Variants in TRHDE observed in about 807,000 individuals in gnomAD.
TRHDE encodes thyrotropin-releasing hormone-degrading ectoenzyme.
A neutral mutation model predicts 125.7 loss-of-function variants in TRHDE; 72 were observed. The ratio of observed to expected loss-of-function variants is 0.57; its 90% CI spans 0.47 to 0.70. The LOEUF (loss-of-function observed/expected upper bound fraction) is 0.70, where lower values mean the gene tolerates loss of function less well. Among genes scored for constraint, TRHDE ranks in the 30% least tolerant of loss-of-function variants. The pLI, the probability that TRHDE is intolerant of heterozygous loss-of-function variation, is 0.00. For missense variants in TRHDE, 1,110 were observed against 1,327.1 expected (o/e 0.84, Z 2.54); for synonymous variants, 509 against 509.1 (o/e 1.00, Z 0.00).
chr12:72,481,432 T>C (rs1877167355), intron 5 of TRHDE, among the ~76,000 whole-genome samples: 1 of 151,812 alleles, frequency 6.6e-6, no homozygotes, highest in South Asian at 2.1e-4. Flanking sequence ...GTTACTCCTT[T>C]ATCCGTTTTA....
chr12:72,125,689 C>G (rs1311387212), intron 2 of TRHDE, among the ~76,000 whole-genome samples: 1 of 152,030 alleles, frequency 6.6e-6, no homozygotes, highest in East Asian at 1.9e-4. Context: ...CTGGCCAAGA[C>G]AGAATAACAG....
At chr12:72,628,894 A>C (rs756704203) in intron 15 of TRHDE, among the ~76,000 whole-genome samples, 2 of 151,840 alleles carry the variant, frequency 1.3e-5, no homozygotes, top group Non-Finnish European at 2.9e-5. Context: ...AGCTTTTCTA[A>C]AATCACACTG....
intron 2 of TRHDE, among the ~76,000 whole-genome samples, chr12:72,359,766 GTGT>G (rs1870984609): frequency 1.3e-5 from 2 of 151,644 alleles, no homozygotes; most frequent in African/African-American, 4.8e-5. Flanking sequence ...ATAAGACTTT[GTGT>G]ATAAGTGTGG....
chr12:72,473,547 T>C (rs555398069), intron 5 of TRHDE, among the ~76,000 whole-genome samples: 1 of 152,188 alleles, frequency 6.6e-6, no homozygotes, highest in South Asian at 2.1e-4. Flanking sequence ...TGACATCTCA[T>C]TCATGAGATA....
intron 12 of TRHDE, chr12:72,582,376 C>G: frequency 2.0e-6 from 2 of 984,874 alleles, no homozygotes; most frequent in Non-Finnish European, 1.2e-6. Flanking sequence ...GAAATGGAAA[C>G]AGCATTGTTA....
At chr12:72,561,618 ATG>A (rs1366240083) in intron 7 of TRHDE, among the ~76,000 whole-genome samples, 1 of 152,184 alleles carries the variant, frequency 6.6e-6, no homozygotes, top group Non-Finnish European at 1.5e-5. Flanking sequence ...TCAAATATTA[ATG>A]TGTGTTTCAA....
intron 2 of TRHDE, among the ~76,000 whole-genome samples, chr12:72,376,667 CTT>C (rs1277889435): frequency 6.6e-6 from 1 of 152,086 alleles, no homozygotes; most frequent in Admixed American, 6.6e-5. Context: ...ACTTCATACT[CTT>C]TTTAATTACA....
chr12:72,388,413 A>G (rs936984535), intron 3 of TRHDE, among the ~76,000 whole-genome samples: 8 of 152,144 alleles, frequency 5.3e-5, no homozygotes, highest in African/African-American at 1.9e-4. Flanking sequence ...GTTCTATGAA[A>G]ACAAGTGTTT....
At chr12:72,367,981 T>A (rs1871407283) in intron 2 of TRHDE, among the ~76,000 whole-genome samples, 2 of 152,198 alleles carry the variant, frequency 1.3e-5, no homozygotes. Flanking sequence ...GAAAATGTTA[T>A]TTAAGTCTTT....
At chr12:72,344,179 A>T (rs1870210059) in intron 2 of TRHDE, among the ~76,000 whole-genome samples, 1 of 152,068 alleles carries the variant, frequency 6.6e-6, no homozygotes. Flanking sequence ...AAGAACTGTT[A>T]TTTGAGTCTT....
chr12:72,630,781 C>T (rs948841475), intron 15 of TRHDE, among the ~76,000 whole-genome samples: 1 of 150,112 alleles, frequency 6.7e-6, no homozygotes, highest in African/African-American at 2.4e-5. Context: ...AAATTATAAT[C>T]ATCAGCCATT....
At chr12:72,218,699 C>T (rs868697860) in intron 2 of TRHDE, among the ~76,000 whole-genome samples, 1 of 152,072 alleles carries the variant, frequency 6.6e-6, no homozygotes, top group Non-Finnish European at 1.5e-5. Context: ...TTACTGCATA[C>T]ACATAACTCT....
At chr12:72,607,839 C>G (rs753027555) in intron 12 of TRHDE, among the ~76,000 whole-genome samples, 1 of 152,064 alleles carries the variant, frequency 6.6e-6, no homozygotes, top group Non-Finnish European at 1.5e-5. Flanking sequence ...TAAAGCCTTT[C>G]CAAGCCTTTC....
chr12:72,312,890 C>A (rs1430063057), intron 2 of TRHDE, among the ~76,000 whole-genome samples: 1 of 152,080 alleles, frequency 6.6e-6, no homozygotes, highest in Non-Finnish European at 1.5e-5. Context: ...CAATATACAT[C>A]AACAAACATC....
intron 6 of TRHDE, among the ~76,000 whole-genome samples, chr12:72,525,632 TGTGA>T (rs752658130): frequency 0.02 from 2,979 of 146,764 alleles, 31 homozygotes; most frequent in Non-Finnish European, 0.029. Flanking sequence ...TGTGTGTGTG[TGTGA>T]GAGAGAGAGA....
intron 3 of TRHDE, among the ~76,000 whole-genome samples, chr12:72,462,763 A>C (rs1876184394): frequency 6.6e-6 from 1 of 152,156 alleles, no homozygotes; most frequent in Non-Finnish European, 1.5e-5. Flanking sequence ...ACCATGTGTA[A>C]TTTTCATGAT....
At chr12:72,153,360 T>C (rs1876417804) in intron 2 of TRHDE, among the ~76,000 whole-genome samples, 1 of 152,104 alleles carries the variant, frequency 6.6e-6, no homozygotes. Flanking sequence ...CCTGGATTCA[T>C]GATTTTTTGA....
intron 2 of TRHDE, among the ~76,000 whole-genome samples, chr12:72,333,344 A>C (rs1008124373): frequency 1.3e-5 from 2 of 152,250 alleles, no homozygotes; most frequent in Admixed American, 1.3e-4. Context: ...AAGGAAATAT[A>C]TTTTAGTAGA....
intron 18 of TRHDE, among the ~76,000 whole-genome samples, chr12:72,659,881 G>T (rs751539642): frequency 6.6e-6 from 1 of 152,094 alleles, no homozygotes; most frequent in African/African-American, 2.4e-5. Context: ...TATTCTCCCC[G>T]CTTGCGGAGA....
Sources: gnomAD v4.1 joint callset for allele counts (sites outside exome capture counted in the v4.1 genomes callset) on GRCh38, gnomAD v4.1.1 for gene constraint, MANE v1.5 for transcripts, NCBI Gene and HGNC (gene_info 2026-07-23, HGNC 2026-07-21) for gene names.